Variants in PDZD2 observed in about 807,000 individuals in gnomAD.
The protein encoded by PDZD2 is PDZ domain containing 2.
PDZD2 carries 90 observed loss-of-function variants against 220.7 expected under a neutral mutation model. The observed-to-expected ratio is 0.41, with a 90% CI of 0.34 to 0.49. The LOEUF is 0.49. Ranked by LOEUF, PDZD2 falls within the 20% of genes least tolerant of loss-of-function variation. PDZD2 has a pLI of 0.28. For synonymous variants in PDZD2, 1,375 were observed against 1,450.5 expected (o/e 0.95, Z 1.18); for missense variants, 3,174 against 3,608.5 (o/e 0.88, Z 3.08).
At chr5:31,965,359 A>C (rs1408618446) in intron 2 of PDZD2, among the ~76,000 whole-genome samples, 1 of 152,194 alleles carries the variant, frequency 6.6e-6, no homozygotes, top group Non-Finnish European at 1.5e-5. Context: ...TCATTCATGT[A>C]ACCTGCAAAA....
intron 1 of PDZD2, among the ~76,000 whole-genome samples, chr5:31,682,288 T>G (rs1041539883): frequency 6.6e-6 from 1 of 152,122 alleles, no homozygotes; most frequent in African/African-American, 2.4e-5. Flanking sequence ...TGTTTTAAGT[T>G]TGGGTGTGCA....
intron 1 of PDZD2, among the ~76,000 whole-genome samples, chr5:31,642,398 C>G (rs1256971645): frequency 1.3e-5 from 2 of 152,048 alleles, no homozygotes; most frequent in African/African-American, 4.8e-5. Context: ...CTCAGAGACG[C>G]CCATCCCCAG....
intron 6 of PDZD2, among the ~76,000 whole-genome samples, chr5:32,035,251 A>G (rs1280594185): frequency 2.0e-5 from 3 of 151,004 alleles, no homozygotes; most frequent in Non-Finnish European, 4.4e-5. Flanking sequence ...ATACGTTTTT[A>G]TGTATTGAAT....
intron 2 of PDZD2, among the ~76,000 whole-genome samples, chr5:31,815,696 G>A (rs1755405943): frequency 1.3e-5 from 2 of 152,284 alleles, no homozygotes; most frequent in East Asian, 1.9e-4. Flanking sequence ...GAATCCCCTT[G>A]ACCAAGAAGC....
Position 31,983,642 on chromosome 5 carries a change from G to A in PDZD2, c.964G>A (p.Asp322Asn). The A allele has an allele frequency of 6.2e-7, 1 of 1,613,488 alleles. No individual in the cohort carries two copies. The highest frequency in any genetic ancestry group is 8.5e-7 in the Non-Finnish European group (1 of 1,179,508). Residue 322 changes from aspartate (D) to asparagine (N), a missense_variant, in exon 3 of 25, where the codon GAC becomes AAC. Around this residue, in one of 4 missense-constraint regions of PDZD2, gnomAD observed 632 missense variants for 708.1 expected, o/e 0.89. Transcript: ENST00000438447. ...KGGKTDFQSS[D>N]CLAREEVGRI... is the part of the protein sequence containing the mutation. ...TGGGAAGACGGACTTCCAATCGAGTGACTGCCTGGCACGGGTAAGGTTTGG... is the reference window on the plus strand; with the variant it reads ...TGGGAAGACGGACTTCCAATCGAGTAACTGCCTGGCACGGGTAAGGTTTGG...
chr5:32,034,900 G>A (rs1755415804), intron 6 of PDZD2, among the ~76,000 whole-genome samples: 1 of 152,082 alleles, frequency 6.6e-6, no homozygotes, highest in Non-Finnish European at 1.5e-5. Flanking sequence ...CATCCCTCCA[G>A]GGAATCTCTA....
intron 2 of PDZD2, chr5:31,908,792 C>A: frequency 1.3e-6 from 1 of 748,118 alleles, no homozygotes; most frequent in East Asian, 4.2e-5. Flanking sequence ...CGCCTATAAT[C>A]CCAGCACTTT....
At chr5:32,064,222 G>C (rs1739977347) in intron 14 of PDZD2, among the ~76,000 whole-genome samples, 1 of 151,788 alleles carries the variant, frequency 6.6e-6, no homozygotes, top group Admixed American at 6.6e-5. Flanking sequence ...GGAAAAGAAG[G>C]AACCAACTCA....
intron 2 of PDZD2, among the ~76,000 whole-genome samples, chr5:31,970,115 G>C (rs975651887): frequency 6.6e-6 from 1 of 152,036 alleles, no homozygotes; most frequent in South Asian, 2.1e-4. Context: ...GGCTGGTCTC[G>C]AACTCCTGAC....
At chr5:31,651,502 T>C (rs1284689667) in intron 1 of PDZD2, among the ~76,000 whole-genome samples, 1 of 152,236 alleles carries the variant, frequency 6.6e-6, no homozygotes, top group African/African-American at 2.4e-5. Context: ...TTGTATGTGC[T>C]GTTCTCATGG....
chr5:32,016,368 C>T (rs1046264942), intron 6 of PDZD2, among the ~76,000 whole-genome samples: 6 of 152,302 alleles, frequency 3.9e-5, no homozygotes, highest in African/African-American at 1.2e-4. Flanking sequence ...GAAACTCTCT[C>T]TTGTTTCGGG....
At chr5:32,077,755 G>C (rs369110550) in intron 19 of PDZD2, 149 bp downstream of exon 19, 32 of 698,630 alleles carry the variant, frequency 4.6e-5, no homozygotes, top group African/African-American at 3.9e-4. Context: ...TCAGGAGTTT[G>C]AGACCAGCCT....
intron 1 of PDZD2, among the ~76,000 whole-genome samples, chr5:31,701,110 T>C (rs567475312): frequency 2.0e-5 from 3 of 152,332 alleles, no homozygotes; most frequent in African/African-American, 7.2e-5. Flanking sequence ...ACAGACCCAG[T>C]GCTGAGCACA....
At position 31,981,044 on chromosome 5, in the gene PDZD2, C is replaced by A. The variant is rs544855623; in HGVS notation, c.477-2111C>A. Among the ~76,000 whole-genome samples the A allele has an allele frequency of 2.9e-3, 447 of 152,266 alleles. 3 individuals are homozygous for A. Among genetic ancestry groups the A allele is most frequent in the Non-Finnish European group, 3.7e-3 (254 of 68,026 alleles). On this transcript the variant is annotated intron_variant, in intron 2 of 24. Transcript: ENST00000438447. The stretch of plus-strand genomic sequence containing the variant: ...CAGGTTATCCTCCTGCCTCGGCCTC[C>A]CAAAATGCAAGGATTACAGGCATGA...
chr5:31,806,931 G>GTTTTTT (rs397882682), intron 2 of PDZD2, among the ~76,000 whole-genome samples: 2 of 127,530 alleles, frequency 1.6e-5, no homozygotes, highest in African/African-American at 2.9e-5. Flanking sequence ...GGGCGTCTTT[G>GTTTTTT]TTTTTTTTTT....
At chr5:31,936,033 C>T in intron 2 of PDZD2, 1 of 951,154 alleles carries the variant, frequency 1.1e-6, no homozygotes, top group African/African-American at 1.8e-5. Context: ...CTCTTACAAA[C>T]ACAGCGTGGC....
chr5:31,661,294 G>A (rs1291055540), intron 1 of PDZD2: 1 of 152,188 alleles, frequency 6.6e-6, no homozygotes, highest in Non-Finnish European at 1.5e-5. Context: ...CATTACAGGG[G>A]AATTGGCTTG....
At chr5:31,715,361 A>G (rs1276619206) in intron 1 of PDZD2, among the ~76,000 whole-genome samples, 2 of 152,198 alleles carry the variant, frequency 1.3e-5, no homozygotes, top group African/African-American at 2.4e-5. Context: ...CCCCATGGGA[A>G]AGTCATGCTT....
chr5:31,917,965 G>A (rs375313567), intron 2 of PDZD2, among the ~76,000 whole-genome samples: 4 of 152,182 alleles, frequency 2.6e-5, no homozygotes, highest in South Asian at 2.1e-4. Context: ...TCTCAAACTC[G>A]TGACCTCAGG....
Sources: allele counts gnomAD v4.1 joint callset (sites outside exome capture counted in the v4.1 genomes callset), GRCh38; gene constraint gnomAD v4.1.1; regional missense constraint gnomAD v4.1.1; transcripts MANE v1.5; gene names NCBI Gene and HGNC (gene_info 2026-07-23, HGNC 2026-07-21).